Variants in ITGA1 observed in about 807,000 individuals in gnomAD.
ITGA1 encodes integrin alpha-1.
ITGA1 carries 85 observed loss-of-function variants against 145.9 expected under a neutral mutation model. That is an observed-to-expected ratio of 0.58 (90% CI 0.49 to 0.70). The LOEUF (loss-of-function observed/expected upper bound fraction) is 0.70, where lower values mean the gene tolerates loss of function less well. Ranked by LOEUF, ITGA1 falls within the 30% of genes least tolerant of loss-of-function variation. ITGA1 has a pLI of 0.00. For missense variants in ITGA1, 1,351 were observed against 1,418.7 expected (o/e 0.95, Z 0.77); for synonymous variants, 520 against 495.3 (o/e 1.05, Z -0.66).
chr5:52,874,910 G>A, intron 6 of ITGA1, among the ~76,000 whole-genome samples: 3 of 152,234 alleles, frequency 2.0e-5, no homozygotes. Flanking sequence ...GTAGAACATT[G>A]TTTCCCAGTC....
intron 23 of ITGA1, among the ~76,000 whole-genome samples, chr5:52,937,048 TA>T (rs3841535): frequency 0.083 from 10,113 of 121,568 alleles, 1,058 homozygotes; most frequent in African/African-American, 0.28. Context: ...ACTGGTATGT[TA>T]AAAAAAAAAA....
In ITGA1 at chr5:52,910,237, A is replaced by G. The variant is rs770094914; in HGVS notation, c.1675A>G (p.Thr559Ala). The G allele has an allele frequency of 1.2e-5, 19 of 1,614,052 alleles. No individual in the cohort carries two copies. The highest frequency in any genetic ancestry group is 1.6e-4 in the Middle Eastern group (1 of 6,062). The change falls in exon 14 of 29, where the codon ACA becomes GCA. Residue 559 changes from threonine (T) to alanine (A), a missense_variant. By Grantham distance (58) the Thr-to-Ala change is moderately conservative (BLOSUM62 0). Transcript: ENST00000282588. ...CCSSRQHNSC[T>A]TENKNEPCGA... ...TTCATCTCGGCAGCACAATTCATGC[A>G]CAACAGAAAACAAAAATGAGCCATG...
intron 1 of ITGA1, among the ~76,000 whole-genome samples, chr5:52,806,597 T>C (rs2111676757): frequency 6.6e-6 from 1 of 152,220 alleles, no homozygotes; most frequent in East Asian, 1.9e-4. Context: ...GAATTAGTCC[T>C]TTTTAGGAAG....
intron 8 of ITGA1, among the ~76,000 whole-genome samples, chr5:52,889,366 T>C (rs1750107439): frequency 6.6e-6 from 1 of 152,220 alleles, no homozygotes; most frequent in Non-Finnish European, 1.5e-5. Flanking sequence ...CCTCCCAAAG[T>C]GCTGGGATTA....
In ITGA1 at chr5:52,939,655, T is replaced by C. The variant is rs774764251; in HGVS notation, c.3144T>C (p.Thr1048=). 1 of 1,613,506 alleles carries C rather than the reference T, an allele frequency of 6.2e-7. No individual in the cohort carries two copies. Among genetic ancestry groups the C allele is most frequent in the South Asian group, 1.1e-5 (1 of 91,072 alleles). The part of the protein sequence containing the change: ...PFSINSGKKM[T]TSTDHLKRGT... The stretch of plus-strand genomic sequence containing the variant: ...GTATCAACTCTGGAAAGAAAATGAC[T>C]ACATCAACTGACCATCTCAAACGAG... Residue 1048 remains threonine (T), a synonymous_variant, in exon 25 of 29, where the codon ACT becomes ACC. Transcript: ENST00000282588.
At chr5:52,828,201 A>G (rs1053933153) in intron 1 of ITGA1, among the ~76,000 whole-genome samples, 1 of 152,190 alleles carries the variant, frequency 6.6e-6, no homozygotes, top group African/African-American at 2.4e-5. Context: ...GGGCAACTCT[A>G]TGTGTAACTT....
intron 1 of ITGA1, among the ~76,000 whole-genome samples, chr5:52,823,551 T>C (rs1460688386): frequency 6.6e-6 from 1 of 152,208 alleles, no homozygotes; most frequent in Non-Finnish European, 1.5e-5. Flanking sequence ...GTCCATCTTA[T>C]TCTCTTGGGC....
At chr5:52,796,842 G>T (rs927823619) in intron 1 of ITGA1, among the ~76,000 whole-genome samples, 3 of 152,068 alleles carry the variant, frequency 2.0e-5, no homozygotes, top group Admixed American at 1.3e-4. Context: ...ATTTAAGCTG[G>T]ACTTTAAAGA....
intron 9 of ITGA1, among the ~76,000 whole-genome samples, chr5:52,896,656 G>C (rs1442134805): frequency 6.6e-6 from 1 of 152,114 alleles, no homozygotes; most frequent in Non-Finnish European, 1.5e-5. Context: ...GTAACCCCTA[G>C]TGCAAGCAAA....
At position 52,787,988 on chromosome 5, in the gene ITGA1, C is replaced by T. The variant is rs1215200878; in HGVS notation, c.-366C>T. 2 of 224,858 alleles carry T rather than the reference C, an allele frequency of 8.9e-6. No individual in the cohort carries two copies. Among genetic ancestry groups the T allele is most frequent in the African/African-American group, 2.3e-5 (1 of 44,004 alleles). The allele number at this position is 224,858 out of a possible 1,614,324, so 13.9% of individuals were successfully genotyped here. On this transcript the variant is annotated 5_prime_UTR_variant, in exon 1 of 29. Coordinates refer to ENST00000282588, the MANE Select transcript of ITGA1 (RefSeq NM_181501.2). ...ACCCTCTCAATGAAAGGCAGATGTC[C>T]CTTTAAGGTTTGCTTCTACAGCCCG...
chr5:52,834,777 T>A (rs374022473), intron 1 of ITGA1, among the ~76,000 whole-genome samples: 2 of 152,116 alleles, frequency 1.3e-5, no homozygotes, highest in African/African-American at 2.4e-5. Flanking sequence ...ACAATGGTCC[T>A]ATCAGATTAG....
chr5:52,923,150 T>C (rs1464241795), intron 18 of ITGA1, among the ~76,000 whole-genome samples: 12 of 152,206 alleles, frequency 7.9e-5, no homozygotes, highest in Admixed American at 6.5e-4. Flanking sequence ...TATGTAAGCA[T>C]GTCCAGAGAG....
chr5:52,925,137 T>C (rs570551677), intron 18 of ITGA1, 141 bp from the exon 19 acceptor site: 1 of 633,668 alleles, frequency 1.6e-6, no homozygotes, highest in Admixed American at 2.7e-5. Flanking sequence ...ATAAAATCCC[T>C]TAAGATTTTT....
chr5:52,889,316 G>A (rs988276024), intron 8 of ITGA1, among the ~76,000 whole-genome samples: 20 of 152,150 alleles, frequency 1.3e-4, no homozygotes, highest in East Asian at 3.9e-4. Context: ...TGGTCGGGCC[G>A]GTCTTGAACT....
intron 1 of ITGA1, chr5:52,803,225 A>G (rs1748523338): frequency 6.6e-6 from 1 of 152,112 alleles, no homozygotes; most frequent in Admixed American, 6.6e-5. Flanking sequence ...CTTATTGGGA[A>G]CTGACACTTC....
At chr5:52,902,355 C>T (rs1750328953) in intron 11 of ITGA1, 2 of 152,228 alleles carry the variant, frequency 1.3e-5, no homozygotes. Flanking sequence ...CTCCTCCACC[C>T]ACAGTTTGCT....
At position 52,908,755 on chromosome 5, in the gene ITGA1, C is replaced by T. The variant is rs1750449825; in HGVS notation, c.1456-143C>T. The T allele has an allele frequency of 5.0e-6, 4 of 796,000 alleles. No homozygotes were observed. In the South Asian group the frequency reaches 7.4e-5, roughly 15 times the overall value. 49.3% of individuals were successfully genotyped at this position (796,000 alleles called of 1,614,324 possible). On this transcript the variant is annotated intron_variant, in intron 12 of 28. Coordinates refer to ENST00000282588, the MANE Select transcript of ITGA1 (RefSeq NM_181501.2). ...CATGAAAGAGCCAATAAATAACTTT[C>T]AGGGAGCATCAATTTTTATCTTTCA...
At chr5:52,878,152 G>C (rs1749896423) in intron 6 of ITGA1, among the ~76,000 whole-genome samples, 1 of 152,090 alleles carries the variant, frequency 6.6e-6, no homozygotes, top group Admixed American at 6.6e-5. Context: ...AGGAGGACGG[G>C]GGACTCCCAG....
intron 1 of ITGA1, among the ~76,000 whole-genome samples, chr5:52,808,097 TTA>T (rs1184071997): frequency 1.3e-5 from 2 of 152,144 alleles, no homozygotes; most frequent in African/African-American, 4.8e-5. Context: ...GCCTAGAGTA[TTA>T]TAGAGTATTT....
Sources: allele counts gnomAD v4.1 joint callset (sites outside exome capture counted in the v4.1 genomes callset), GRCh38; gene constraint gnomAD v4.1.1; transcripts MANE v1.5; gene names NCBI Gene and HGNC (gene_info 2026-07-23, HGNC 2026-07-21).